The following HELZ variants were observed in gnomAD, a reference collection of about 807,000 sequenced individuals.
HELZ encodes ATP-dependent RNA helicase with zinc finger domain.
HELZ carries 23 observed loss-of-function variants against 218.2 expected under a neutral mutation model. The ratio of observed to expected loss-of-function variants is 0.11; its 90% CI spans 0.08 to 0.15. HELZ has a LOEUF of 0.15. HELZ is among the 10% of genes least tolerant of loss of function. HELZ has a pLI of 1.00. For synonymous variants in HELZ, 814 were observed against 829.4 expected, an observed-to-expected ratio of 0.98 and a Z score of 0.32; for missense variants, 1,813 against 2,353.7, an observed-to-expected ratio of 0.77 and a Z score of 4.75.
intron 1 of HELZ, chr17:67,244,641 G>A (rs2041422172): frequency 6.3e-6 from 6 of 959,884 alleles, no homozygotes; most frequent in Non-Finnish European, 6.2e-6. Flanking sequence ...GGGAGGGAGG[G>A]GGCGCACGCC....
intron 12 of HELZ, among the ~76,000 whole-genome samples, chr17:67,181,593 A>G (rs2039614380): frequency 1.3e-5 from 2 of 152,254 alleles, no homozygotes; most frequent in South Asian, 4.1e-4. Flanking sequence ...TTTAGCAGGT[A>G]GCACAGTAAT....
At chr17:67,100,170 T>TG (rs1007547780) in intron 31 of HELZ, among the ~76,000 whole-genome samples, 1 of 152,098 alleles carries the variant, frequency 6.6e-6, no homozygotes, top group Non-Finnish European at 1.5e-5. Context: ...AAAGAGAAAT[T>TG]GGGGGAGTCA....
At chr17:67,206,252 G>A (rs181265179) in intron 5 of HELZ, among the ~76,000 whole-genome samples, 5 of 152,312 alleles carry the variant, frequency 3.3e-5, no homozygotes, top group African/African-American at 1.2e-4. Context: ...AAACTGAATT[G>A]TTCCTTTCTG....
intron 5 of HELZ, among the ~76,000 whole-genome samples, chr17:67,207,756 C>A (rs1381260204): frequency 6.6e-6 from 1 of 152,166 alleles, no homozygotes; most frequent in Non-Finnish European, 1.5e-5. Context: ...AGCCTATAAT[C>A]CCAGCACTTT....
intron 9 of HELZ, among the ~76,000 whole-genome samples, chr17:67,192,514 C>T (rs1426742501): frequency 2.0e-5 from 3 of 152,060 alleles, no homozygotes; most frequent in Non-Finnish European, 2.9e-5. Flanking sequence ...TCTTAATGGG[C>T]CAAATCTTTG....
intron 18 of HELZ, 83 bp downstream of exon 18, chr17:67,150,963 C>A: frequency 8.6e-7 from 1 of 1,166,834 alleles, no homozygotes; most frequent in Non-Finnish European, 1.2e-6. Context: ...CAGATTTGGC[C>A]CACACACTGT....
At chr17:67,138,182 C>A in intron 21 of HELZ, 68 bp from the exon 22 acceptor site, 26 of 1,190,580 alleles carry the variant, frequency 2.2e-5, no homozygotes, top group Non-Finnish European at 2.2e-5. Context: ...AATATCGTAA[C>A]TAAAACTGAT....
At chr17:67,127,279 C>T (rs2143871789) in intron 24 of HELZ, among the ~76,000 whole-genome samples, 1 of 152,270 alleles carries the variant, frequency 6.6e-6, no homozygotes, top group East Asian at 1.9e-4. Flanking sequence ...TTAGCACCTA[C>T]AATAACATCT....
In HELZ at chr17:67,167,807, A is replaced by G. The variant is rs1432861227; in HGVS notation, c.1431-11T>C. 3 of 1,543,542 alleles carry G rather than the reference A, an allele frequency of 1.9e-6. No individual in the cohort carries two copies. Among genetic ancestry groups the G allele is most frequent in the Non-Finnish European group, 2.7e-6 (3 of 1,132,044 alleles). On this transcript the variant is annotated splice_polypyrimidine_tract_variant and intron_variant, in intron 13 of 32. Transcript: ENST00000358691. ...ACTTTAAGGTTGAACCTAAACCAGA[A>G]GTAGAAAACTAGTTTGAATATTTTA...
In HELZ at chr17:67,188,946, C is replaced by A. The variant is rs969407609; in HGVS notation, c.865-330G>T. On this transcript the variant is annotated intron_variant, in intron 11 of 32. Coordinates refer to ENST00000358691, the MANE Select transcript of HELZ (RefSeq NM_014877.4). This position sits in a 1 kb window ranked among gnomAD's most constrained non-coding sequence, Gnocchi z 4.1. ...CATGTAGCCTCAAGTAGGAAGCCTT[C>A]GTAAGAGGGCAGTTACCTCTGAAAG... 2.0e-5 allele frequency among the ~76,000 whole-genome samples: 3 copies of A among 152,096 alleles called. No homozygotes were observed. The highest frequency in any genetic ancestry group is 2.9e-5 in the Non-Finnish European group (2 of 68,018).
chr17:67,200,730 C>G (rs117901190), intron 7 of HELZ: 2,300 of 174,338 alleles, frequency 0.013, 18 homozygotes, highest in South Asian at 0.028. Flanking sequence ...AGAGCGAGAC[C>G]CTGTCTCAAA....
chr17:67,166,456 A>G, intron 15 of HELZ, 22 bp downstream of exon 15: 1 of 1,592,408 alleles, frequency 6.3e-7, no homozygotes. Context: ...ACTTCCTTTA[A>G]TAAGATATCG....
At chr17:67,083,874 T>C (rs1026907063) in intron 32 of HELZ, among the ~76,000 whole-genome samples, 1 of 152,210 alleles carries the variant, frequency 6.6e-6, no homozygotes, top group Admixed American at 6.5e-5. Flanking sequence ...GCCTAAAGTG[T>C]ATTCAGTGTC....
intron 32 of HELZ, among the ~76,000 whole-genome samples, chr17:67,079,611 C>T (rs4790989): frequency 0.36 from 54,933 of 152,020 alleles, 10,547 homozygotes; most frequent in East Asian, 0.69. Flanking sequence ...GTGTACAAAG[C>T]TTCTGACAAC....
At chr17:67,231,868 T>C (rs1384890641) in intron 3 of HELZ, among the ~76,000 whole-genome samples, 1 of 151,116 alleles carries the variant, frequency 6.6e-6, no homozygotes, top group Non-Finnish European at 1.5e-5. Flanking sequence ...GCCTGGCCGA[T>C]ATGGTGAAAC....
Position 67,135,994 on chromosome 17 carries a change from G to A in HELZ, c.3158C>T (p.Ala1053Val). 2 of 1,613,454 alleles carry A rather than the reference G, an allele frequency of 1.2e-6. No homozygotes were observed. The part of the protein sequence containing the change: ...SLVAVVGDPI[A>V]LCSIGRCRKF... ...CCTGCATCTTCCAATAGAGCACAGA[G>A]CAATGGGATCACCCACCACAGCAAC... The change falls in exon 23 of 33, where the codon GCT (alanine) becomes GTT (valine). Residue 1053 changes from alanine (A) to valine (V), a missense_variant. By Grantham distance (64) the Ala-to-Val change is moderately conservative. This residue lies in a region of HELZ where 156 missense variants were observed against 274.4 expected (regional missense o/e 0.57). Transcript: ENST00000358691.
chr17:67,086,797 C>T, intron 32 of HELZ, 32 bp downstream of exon 32: 2 of 1,610,388 alleles, frequency 1.2e-6, no homozygotes, highest in South Asian at 2.2e-5. Context: ...CTGAGGAGTA[C>T]AGATTAGTTT....
rs776472820 is a variant in HELZ, at chr17:67,180,647, GC to G, written c.1163-1722del. Among the ~76,000 whole-genome samples, 9 of 152,236 alleles carry G rather than the reference GC, an allele frequency of 5.9e-5. No individual in the cohort carries two copies. The East Asian group carries it at 1.7e-3, about 29-fold the overall frequency. The stretch of plus-strand genomic sequence containing the variant: ...AATCCTAGCAGTTTGGGAGGCTGAG[GC>G]AGGTGGATTGTCTGAGCTCAGGAGT... On this transcript the variant is annotated intron_variant, in intron 12 of 32. Coordinates refer to ENST00000358691, the MANE Select transcript of HELZ (RefSeq NM_014877.4).
intron 5 of HELZ, among the ~76,000 whole-genome samples, chr17:67,209,652 T>TAAAGC (rs1555624187): frequency 2.0e-5 from 3 of 152,124 alleles, no homozygotes; most frequent in African/African-American, 7.2e-5. Flanking sequence ...TAGTTGAGGA[T>TAAAGC]AAAGCAAAGC....
Sources: allele counts gnomAD v4.1 joint callset (sites outside exome capture counted in the v4.1 genomes callset), GRCh38; gene constraint gnomAD v4.1.1; regional missense constraint gnomAD v4.1.1; non-coding constraint Gnocchi (gnomAD v3.1); transcripts MANE v1.5; gene names NCBI Gene and HGNC (gene_info 2026-07-23, HGNC 2026-07-21).